Variants in ZRANB3 observed in about 807,000 individuals in gnomAD.
ZRANB3 encodes the protein zinc finger RANBP2-type containing 3.
In ZRANB3, 125 loss-of-function variants were observed where a neutral mutation model predicts 133.8. That is an observed-to-expected ratio of 0.93 (90% CI 0.81 to 1.08). ZRANB3 has a LOEUF of 1.08. ZRANB3 is among the 50% of genes least tolerant of loss of function. The probability of loss-of-function intolerance (pLI) is 0.00; values close to 1 mark genes in which losing one functional copy is unlikely to be tolerated. For synonymous variants in ZRANB3, 387 were observed against 432.7 expected, an observed-to-expected ratio of 0.89 and a Z score of 1.31; for missense variants, 1,229 against 1,275.5, an observed-to-expected ratio of 0.96 and a Z score of 0.56.
At chr2:135,399,183 C>A (rs12328024) in intron 2 of ZRANB3, among the ~76,000 whole-genome samples, 40,719 of 152,076 alleles carry the variant, frequency 0.27, 9,142 homozygotes, top group African/African-American at 0.6. Context: ...GTTTCTCTTC[C>A]CCCTGTCACC....
chr2:135,497,883 T>A (rs1692749077), intron 2 of ZRANB3, among the ~76,000 whole-genome samples: 1 of 152,044 alleles, frequency 6.6e-6, no homozygotes, highest in South Asian at 2.1e-4. Context: ...TAAAACCTTG[T>A]CTCTACTAAA....
intron 8 of ZRANB3, among the ~76,000 whole-genome samples, chr2:135,289,162 C>G (rs1409695576): frequency 6.6e-6 from 1 of 152,104 alleles, no homozygotes; most frequent in African/African-American, 2.4e-5. Flanking sequence ...CTATAAATTT[C>G]AATCTTGATT....
At chr2:135,456,888 A>C (rs1190845459) in intron 2 of ZRANB3, among the ~76,000 whole-genome samples, 1 of 152,236 alleles carries the variant, frequency 6.6e-6, no homozygotes, top group Non-Finnish European at 1.5e-5. Context: ...ATTCTGAAAT[A>C]GAGAAGACTG....
Position 135,230,652 on chromosome 2 carries a change from C to G in ZRANB3, c.1815G>C (p.Val605=), listed in dbSNP as rs766723576. Reference sequence around the variant, plus strand: ...GGGCCTTGGCCTCCTGTACACTTTCCACGAGTGGAGTTCGGATTTGCTTGG... The same window carrying G: ...GGGCCTTGGCCTCCTGTACACTTTCGACGAGTGGAGTTCGGATTTGCTTGG... ...SQSKQIRTPL[V]ESVQEAKAQL... The change falls in exon 13 of 21, where the codon GTG becomes GTC. Residue 605 remains valine, a synonymous_variant. Transcript: ENST00000264159. 1.2e-6 allele frequency: 2 copies of G among 1,613,766 alleles called. No individual in the cohort carries two copies. The highest frequency in any genetic ancestry group is 1.7e-6 in the Non-Finnish European group (2 of 1,179,836).
At chr2:135,246,296 G>C (rs963289280) in intron 12 of ZRANB3, among the ~76,000 whole-genome samples, 1 of 151,950 alleles carries the variant, frequency 6.6e-6, no homozygotes, top group Non-Finnish European at 1.5e-5. Flanking sequence ...AAAGAAGAAG[G>C]TGACCTTAAA....
rs1236113182 is a variant in ZRANB3 at position 135,196,994 on chromosome 2, A to G, written c.*3348T>C. Reference sequence around the variant, plus strand: ...TAGTTGGAACACAGAATGTATTTTAATAACAGTGACATTTCTCAATGGTAA... The same window carrying G: ...TAGTTGGAACACAGAATGTATTTTAGTAACAGTGACATTTCTCAATGGTAA... On this transcript the variant is annotated 3_prime_UTR_variant, in exon 21 of 21. Transcript: ENST00000264159. 1 of 152,228 alleles carries G rather than the reference A, an allele frequency of 6.6e-6. No homozygotes were observed. Among genetic ancestry groups the G allele is most frequent in the Non-Finnish European group, 1.5e-5 (1 of 68,044 alleles). The allele number at this position is 152,228 out of a possible 1,614,324, so 9.4% of individuals were successfully genotyped here.
intron 19 of ZRANB3, among the ~76,000 whole-genome samples, chr2:135,205,567 GC>G (rs1312770052): frequency 1.3e-5 from 2 of 152,056 alleles, no homozygotes; most frequent in Non-Finnish European, 2.9e-5. Flanking sequence ...TATTGCTCAG[GC>G]TGGTAACTCT....
chr2:135,294,517 T>C (rs1450588135), intron 8 of ZRANB3, among the ~76,000 whole-genome samples: 1 of 152,202 alleles, frequency 6.6e-6, no homozygotes, highest in Non-Finnish European at 1.5e-5. Flanking sequence ...TAGCAGTCTA[T>C]CAATTTTTTT....
intron 3 of ZRANB3, among the ~76,000 whole-genome samples, chr2:135,382,323 C>T (rs1245252043): frequency 6.6e-6 from 1 of 152,124 alleles, no homozygotes; most frequent in East Asian, 1.9e-4. Context: ...AACAACGCCT[C>T]CAAGAAATAT....
intron 12 of ZRANB3, among the ~76,000 whole-genome samples, chr2:135,251,007 C>G (rs1263977851): frequency 6.6e-6 from 1 of 152,154 alleles, no homozygotes; most frequent in Non-Finnish European, 1.5e-5. Context: ...TCAATGCCAG[C>G]CTGTGAAAGC....
intron 3 of ZRANB3, among the ~76,000 whole-genome samples, chr2:135,381,212 C>G (rs755765522): frequency 6.6e-6 from 1 of 152,188 alleles, no homozygotes; most frequent in Admixed American, 6.5e-5. Context: ...TATCCCATGC[C>G]TGGCTCGCAG....
intron 2 of ZRANB3, among the ~76,000 whole-genome samples, chr2:135,398,774 CG>C (rs138825499): frequency 0.056 from 8,533 of 152,114 alleles, 465 homozygotes; most frequent in African/African-American, 0.14. Flanking sequence ...CCGCCAGCCC[CG>C]GCCTCCCAAA....
rs374614924 is a variant in ZRANB3 at position 135,460,527 on chromosome 2, A to G, written c.161+43802T>C. 4.6e-5 allele frequency among the ~76,000 whole-genome samples: 7 copies of G among 152,262 alleles called. No homozygotes were observed. In the East Asian group the frequency reaches 9.6e-4, roughly 21 times the overall value. ...GGTGATCTGCCTCCTTCAGCCTCCT[A>G]AAGTGCTGGGATTGCAGGTGTGAGC... is the stretch of plus-strand genomic sequence containing the variant. On this transcript the variant is annotated intron_variant, in intron 2 of 20. Coordinates refer to ENST00000264159, the MANE Select transcript of ZRANB3 (RefSeq NM_032143.4).
chr2:135,349,944 C>G (rs759652286), intron 5 of ZRANB3, 40 bp downstream of exon 5: 16 of 1,585,306 alleles, frequency 1.0e-5, no homozygotes, highest in African/African-American at 2.7e-5. Flanking sequence ...TCCCACCCCC[C>G]TTCTCTTCTT....
intron 3 of ZRANB3, among the ~76,000 whole-genome samples, chr2:135,367,006 G>A (rs572233175): frequency 8.1e-4 from 124 of 152,224 alleles, no homozygotes; most frequent in African/African-American, 2.7e-3. Flanking sequence ...GGGCGACAGA[G>A]CGAGACTCCA....
chr2:135,450,076 G>T (rs747684634), intron 2 of ZRANB3, among the ~76,000 whole-genome samples: 1 of 151,960 alleles, frequency 6.6e-6, no homozygotes, highest in Non-Finnish European at 1.5e-5. Context: ...GATTAACAAC[G>T]GTTAATTAAG....
At chr2:135,273,926 G>C (rs1268368421) in intron 9 of ZRANB3, among the ~76,000 whole-genome samples, 2 of 152,080 alleles carry the variant, frequency 1.3e-5, no homozygotes, top group Middle Eastern at 3.4e-3. Context: ...TATTATACTT[G>C]GAATCGATCC....
intron 12 of ZRANB3, among the ~76,000 whole-genome samples, chr2:135,242,495 C>G (rs140921552): frequency 6.6e-6 from 1 of 151,142 alleles, no homozygotes; most frequent in African/African-American, 2.4e-5. Context: ...CTCAGTGTTA[C>G]CCAGGGGGGG....
At chr2:135,519,982 AAAGG>A (rs1194088149) in intron 1 of ZRANB3, among the ~76,000 whole-genome samples, 2 of 152,276 alleles carry the variant, frequency 1.3e-5, no homozygotes, top group East Asian at 3.9e-4. Flanking sequence ...ACCGGAGGTA[AAAGG>A]AAGGAAGCAA....
Sources: allele counts gnomAD v4.1 joint callset (sites outside exome capture counted in the v4.1 genomes callset), GRCh38; gene constraint gnomAD v4.1.1; transcripts MANE v1.5; gene names NCBI Gene and HGNC (gene_info 2026-07-23, HGNC 2026-07-21).